FAM222A: variants seen among roughly 807,000 people sequenced by gnomAD.
FAM222A encodes family with sequence similarity 222 member A.
Under a neutral mutation model 25.8 loss-of-function variants are expected in FAM222A, and 7 were observed. The observed-to-expected ratio is 0.27, with a 90% CI of 0.15 to 0.51. The LOEUF is 0.51. Among genes scored for constraint, FAM222A ranks in the 20% least tolerant of loss-of-function variants. The pLI, the probability that FAM222A is intolerant of heterozygous loss-of-function variation, is 0.97. For missense variants in FAM222A, 573 were observed against 640.5 expected (o/e 0.89, Z 1.14); for synonymous variants, 294 against 298.8 (o/e 0.98, Z 0.17).
In FAM222A at chr12:109,727,226, G is replaced by A. The variant is rs544777930; in HGVS notation, c.-47+12329G>A. On this transcript the variant is annotated intron_variant, in intron 1 of 2. Coordinates refer to ENST00000538780, the MANE Select transcript of FAM222A (RefSeq NM_032829.3). Reference sequence around the variant, plus strand: ...CTTTGTGTGAGCTTGAGCCGGGCCGGGCGGCCAGCAGAGTGGGGAGAGGGC... The same window carrying A: ...CTTTGTGTGAGCTTGAGCCGGGCCGAGCGGCCAGCAGAGTGGGGAGAGGGC... 2.6e-5 allele frequency among the ~76,000 whole-genome samples: 4 copies of A among 152,238 alleles called. No homozygotes were observed. In the East Asian group the frequency reaches 7.7e-4, roughly 29 times the overall value.
At chr12:109,724,352 G>A (rs552751916) in intron 1 of FAM222A, among the ~76,000 whole-genome samples, 4 of 152,270 alleles carry the variant, frequency 2.6e-5, no homozygotes, top group Admixed American at 6.5e-5. Context: ...GCCGTGTCAC[G>A]GGGCCCCAAG....
chr12:109,753,412 G>C lies in FAM222A; in HGVS notation c.82+9184G>C, dbSNP rs75620252. The stretch of plus-strand genomic sequence containing the variant: ...TGTCTAAGGGTCAAATACAGAGAGT[G>C]CCCTGATGGGGGTGTGTATGTATGG... On this transcript the variant is annotated intron_variant, in intron 2 of 2. Coordinates refer to ENST00000538780, the MANE Select transcript of FAM222A (RefSeq NM_032829.3). Among the ~76,000 whole-genome samples the C allele has an allele frequency of 3.3e-5, 5 of 152,282 alleles. No individual in the cohort carries two copies. The East Asian group carries it at 9.7e-4, about 29-fold the overall frequency.
chr12:109,770,289 T>G lies in FAM222A; in HGVS notation c.*1001T>G, dbSNP rs1452521540. 6.6e-6 allele frequency: 1 copy of G among 152,664 alleles called. No individual in the cohort carries two copies. Among genetic ancestry groups the G allele is most frequent in the Non-Finnish European group, 1.5e-5 (1 of 68,092 alleles). The allele number at this position is 152,664 out of a possible 1,614,324, so 9.5% of individuals were successfully genotyped here. On this transcript the variant is annotated 3_prime_UTR_variant, in exon 3 of 3. Transcript: ENST00000538780. ...CAGGGAAAGATAGGCAGGAGTCCCC[T>G]CACGAAGTCCTCAAGTCCTGGCCCC...
intron 2 of FAM222A, among the ~76,000 whole-genome samples, chr12:109,762,615 T>C (rs1465923324): frequency 6.6e-6 from 1 of 152,206 alleles, no homozygotes; most frequent in East Asian, 1.9e-4. Flanking sequence ...AACGGGACTG[T>C]GCAATTGCAC....
chr12:109,737,077 A>G (rs1486746928), intron 1 of FAM222A, among the ~76,000 whole-genome samples: 1 of 152,130 alleles, frequency 6.6e-6, no homozygotes, highest in African/African-American at 2.4e-5. Context: ...AACATTTATT[A>G]TGTACCTTGT....
chr12:109,739,154 G>A (rs528034696), intron 1 of FAM222A, among the ~76,000 whole-genome samples: 43 of 152,344 alleles, frequency 2.8e-4, no homozygotes, highest in Admixed American at 7.8e-4. Flanking sequence ...TGGCTTTCCC[G>A]GGGTCACAAT....
intron 2 of FAM222A, among the ~76,000 whole-genome samples, chr12:109,748,404 A>C (rs549843139): frequency 2.3e-4 from 35 of 150,910 alleles, no homozygotes; most frequent in African/African-American, 8.5e-4. Context: ...TCATGAAGAA[A>C]ATAGAGGCTT....
chr12:109,759,829 G>A (rs1267909593), intron 2 of FAM222A, among the ~76,000 whole-genome samples: 1 of 152,206 alleles, frequency 6.6e-6, no homozygotes, highest in Non-Finnish European at 1.5e-5. Flanking sequence ...TCCATGGGAC[G>A]CTTTCCAAGC....
chr12:109,743,605 T>C (rs1471434628), intron 1 of FAM222A, among the ~76,000 whole-genome samples: 3 of 152,184 alleles, frequency 2.0e-5, no homozygotes, highest in Non-Finnish European at 4.4e-5. Context: ...GAGGATGCCC[T>C]GGGCGGGAGA....
rs115141763 is a variant in FAM222A, at chr12:109,744,676, C to T, written c.82+448C>T. 470 of 985,448 alleles carry T rather than the reference C, an allele frequency of 4.8e-4. 1 individual carries two copies. The African/African-American group carries it at 7.8e-3, about 16-fold the overall frequency. 61.0% of individuals were successfully genotyped at this position (985,448 alleles called of 1,614,324 possible). A position where few individuals can be genotyped will look rare whatever the true frequency, so the allele number is the denominator to read the frequency against. On this transcript the variant is annotated intron_variant, in intron 2 of 2. Transcript: ENST00000538780. ...TCTGGCCTTGCTTTTTCACTGGGAC[C>T]TAGACCTGGTGACCAGGGGTCTGTT...
chr12:109,755,387 ACCGCAATCTCG>A (rs1888696439), intron 2 of FAM222A, among the ~76,000 whole-genome samples: 1 of 131,236 alleles, frequency 7.6e-6, no homozygotes, highest in African/African-American at 3.0e-5. Context: ...ATCTCGGCTC[ACCGCAATCTCG>A]GCTCACCGCA....
intron 1 of FAM222A, among the ~76,000 whole-genome samples, chr12:109,728,360 G>A (rs943974619): frequency 1.3e-5 from 2 of 152,146 alleles, no homozygotes; most frequent in African/African-American, 4.8e-5. Context: ...AGATAACACG[G>A]GGATTGTGGC....
intron 1 of FAM222A, among the ~76,000 whole-genome samples, chr12:109,730,576 G>T (rs929461533): frequency 1.3e-5 from 2 of 152,190 alleles, no homozygotes; most frequent in African/African-American, 4.8e-5. Flanking sequence ...GAAGCAGCCT[G>T]TCCTCGGAAG....
intron 2 of FAM222A, among the ~76,000 whole-genome samples, chr12:109,752,704 A>G (rs1466423216): frequency 6.6e-6 from 1 of 152,184 alleles, no homozygotes; most frequent in African/African-American, 2.4e-5. Flanking sequence ...CTGTGATGAT[A>G]ATGTCAAAAG....
Position 109,768,299 on chromosome 12 carries a change from AGT to A in FAM222A, c.374_375del (p.Val125AlafsTer39). On this transcript the variant is annotated frameshift_variant, in exon 3 of 3. Transcript: ENST00000538780. LOFTEE classifies it high-confidence loss of function. ...STAAPAGPAK[S>X]VLKSAEGKRT... Reference sequence around the variant, plus strand: ...GGCCGCACCAGCTGGGCCCGCCAAAAGTGTGCTCAAGAGCGCCGAGGGCAAGC... The same window carrying A: ...GGCCGCACCAGCTGGGCCCGCCAAAAGTGCTCAAGAGCGCCGAGGGCAAGC... 6.2e-7 allele frequency: 1 copy of A among 1,607,408 alleles called. No individual in the cohort carries two copies. Among genetic ancestry groups the A allele is most frequent in the Non-Finnish European group, 8.5e-7 (1 of 1,177,788 alleles).
In FAM222A at chr12:109,769,580, G is replaced by C. The variant is rs887731021; in HGVS notation, c.*292G>C. 1 of 458,374 alleles carries C rather than the reference G, an allele frequency of 2.2e-6. No homozygotes were observed. Among genetic ancestry groups the C allele is most frequent in the Non-Finnish European group, 3.9e-6 (1 of 257,232 alleles). 28.4% of individuals were successfully genotyped at this position (458,374 alleles called of 1,614,324 possible). A position where few individuals can be genotyped will look rare whatever the true frequency, so the allele number is the denominator to read the frequency against. ...CTAAGCTGGCAGAGGCAGGGAGAGAGAAACCACTCAAAAACAGGAATGGTT... is the reference window on the plus strand; with the variant it reads ...CTAAGCTGGCAGAGGCAGGGAGAGACAAACCACTCAAAAACAGGAATGGTT... On this transcript the variant is annotated 3_prime_UTR_variant, in exon 3 of 3. Coordinates refer to ENST00000538780, the MANE Select transcript of FAM222A (RefSeq NM_032829.3).
chr12:109,720,104 G>C (rs768150050), intron 1 of FAM222A: 9 of 985,436 alleles, frequency 9.1e-6, no homozygotes, highest in Non-Finnish European at 1.1e-5. Context: ...GCCCCTCAGA[G>C]CTGGGTGGGC....
At chr12:109,747,370 C>T (rs1239591091) in intron 2 of FAM222A, among the ~76,000 whole-genome samples, 3 of 152,212 alleles carry the variant, frequency 2.0e-5, no homozygotes, top group Admixed American at 2.0e-4. Context: ...GGTAGGATTA[C>T]AGTCATGAGC....
At chr12:109,755,287 CTTTTTTTTTTTTTTTTTTTTTTTT>C (rs540689300) in intron 2 of FAM222A, among the ~76,000 whole-genome samples, 7 of 49,428 alleles carry the variant, frequency 1.4e-4, no homozygotes, top group South Asian at 2.0e-3. Context: ...TGTAATTCTT[CTTTTTTTTTTTTTTTTTTTTTTTT>C]TTTTTTTTTT....
Sources: allele counts gnomAD v4.1 joint callset (sites outside exome capture counted in the v4.1 genomes callset), GRCh38; gene constraint gnomAD v4.1.1; transcripts MANE v1.5; gene names NCBI Gene and HGNC (gene_info 2026-07-23, HGNC 2026-07-21).